STK32C: variants seen among roughly 807,000 people sequenced by gnomAD.
STK32C encodes the protein serine/threonine kinase 32C.
In STK32C, 31 loss-of-function variants were observed where a neutral mutation model predicts 56.5. The ratio of observed to expected loss-of-function variants is 0.55; its 90% CI spans 0.41 to 0.74. The LOEUF (loss-of-function observed/expected upper bound fraction) is 0.74, where lower values mean the gene tolerates loss of function less well. Among genes scored for constraint, STK32C ranks in the 30% least tolerant of loss-of-function variants. STK32C has a pLI of 0.00. For synonymous variants in STK32C, 309 were observed against 289.4 expected (o/e 1.07, Z -0.69); for missense variants, 544 against 676.9 (o/e 0.80, Z 2.18).
intron 1 of STK32C, among the ~76,000 whole-genome samples, chr10:132,281,721 C>T (rs1265562657): frequency 6.6e-6 from 1 of 152,220 alleles, no homozygotes; most frequent in Non-Finnish European, 1.5e-5. Context: ...GTGCAGGTCC[C>T]CGGGAGACGA....
intron 1 of STK32C, among the ~76,000 whole-genome samples, chr10:132,329,758 G>A (rs1398704212): frequency 6.6e-6 from 1 of 152,210 alleles, no homozygotes; most frequent in East Asian, 1.9e-4. Flanking sequence ...GGGTGCAGAG[G>A]TGCCACGGGA....
At chr10:132,218,433 G>A (rs2062535272) in intron 10 of STK32C, among the ~76,000 whole-genome samples, 1 of 152,174 alleles carries the variant, frequency 6.6e-6, no homozygotes, top group East Asian at 1.9e-4. Flanking sequence ...TAGACACAAT[G>A]CCTGATAAAA....
rs115107063 is a variant in STK32C at position 132,271,057 on chromosome 10, G to A, written c.263-25102C>T. On this transcript the variant is annotated intron_variant, in intron 1 of 11. Coordinates refer to ENST00000298630, the MANE Select transcript of STK32C (RefSeq NM_173575.4). ...TGAACCACAGTCAGATGGGGTGCAA[G>A]GAGGGTGGCACCCCCAAAGTGACTC... Among the ~76,000 whole-genome samples, 92 of 152,260 alleles carry A rather than the reference G, an allele frequency of 6.0e-4. 1 individual carries two copies. Among genetic ancestry groups the A allele is most frequent in the African/African-American group, 2.2e-3 (92 of 41,546 alleles).
chr10:132,293,854 C>A (rs549925378), intron 1 of STK32C, among the ~76,000 whole-genome samples: 5 of 152,292 alleles, frequency 3.3e-5, no homozygotes, highest in African/African-American at 1.2e-4. Context: ...GCAGAGCCTG[C>A]TCCGGGGACG....
At chr10:132,264,825 G>A (rs369262749) in intron 1 of STK32C, among the ~76,000 whole-genome samples, 4 of 152,248 alleles carry the variant, frequency 2.6e-5, no homozygotes, top group African/African-American at 4.8e-5. Flanking sequence ...AGTCGCTCAT[G>A]GCAGTTTTCC....
chr10:132,233,866 C>T (rs2063182292), intron 2 of STK32C, among the ~76,000 whole-genome samples: 1 of 152,234 alleles, frequency 6.6e-6, no homozygotes, highest in South Asian at 2.1e-4. Context: ...TGCAGGATGG[C>T]CCCTTCGGCA....
chr10:132,215,069 A>G (rs898533494), intron 10 of STK32C, among the ~76,000 whole-genome samples: 2 of 152,236 alleles, frequency 1.3e-5, no homozygotes, highest in African/African-American at 4.8e-5. Context: ...CCCAGACTGG[A>G]GTGCAGGGGC....
intron 1 of STK32C, among the ~76,000 whole-genome samples, chr10:132,273,447 G>A (rs2064893458): frequency 6.6e-6 from 1 of 152,230 alleles, no homozygotes; most frequent in African/African-American, 2.4e-5. Context: ...ATCAGTAGAT[G>A]AGTGAATGAA....
chr10:132,252,559 G>A (rs1238414831), intron 1 of STK32C, among the ~76,000 whole-genome samples: 1 of 152,218 alleles, frequency 6.6e-6, no homozygotes, highest in East Asian at 1.9e-4. Context: ...CCATCTCACA[G>A]CTAGGGGGCT....
chr10:132,247,316 T>A (rs113325311), intron 1 of STK32C, among the ~76,000 whole-genome samples: 9 of 152,260 alleles, frequency 5.9e-5, no homozygotes, highest in African/African-American at 2.2e-4. Flanking sequence ...AAATGCCCAC[T>A]CCCTTCCCAG....
At position 132,225,240 on chromosome 10, in the gene STK32C, C is replaced by T. The variant is rs778546262; in HGVS notation, c.869G>A (p.Arg290Gln). The T allele has an allele frequency of 4.4e-6, 7 of 1,608,972 alleles. No homozygotes were observed. Among genetic ancestry groups the T allele is most frequent in the Admixed American group, 1.7e-5 (1 of 59,770 alleles). ...GCTGCAGGGGGTCCATACCCATCCT[C>T]GCAGCAGCTCATAGGCCATCACCCC... ...SVGVMAYELL[R>Q]GWRPYDIHSS... Residue 290 changes from arginine to glutamine, a missense_variant, in exon 7 of 12, where the codon CGA becomes CAA. Physicochemically the swap from Arg to Gln is conservative, Grantham distance 43. Transcript: ENST00000298630.
intron 10 of STK32C, among the ~76,000 whole-genome samples, chr10:132,221,282 G>C (rs894897458): frequency 7.5e-5 from 11 of 145,846 alleles, no homozygotes; most frequent in African/African-American, 2.3e-4. Flanking sequence ...AACTGATGCT[G>C]ACGCACCTGG....
intron 1 of STK32C, chr10:132,331,390 T>C: frequency 6.4e-7 from 1 of 1,561,070 alleles, no homozygotes; most frequent in Non-Finnish European, 8.7e-7. Context: ...CCCGGTGTCA[T>C]TTCATCTTCT....
At chr10:132,295,611 C>G (rs56089104) in intron 1 of STK32C, among the ~76,000 whole-genome samples, 2 of 152,234 alleles carry the variant, frequency 1.3e-5, no homozygotes, top group East Asian at 3.8e-4. Flanking sequence ...CCAGGCCGGG[C>G]GCAGTGGCTC....
chr10:132,264,968 A>G (rs2138093950), intron 1 of STK32C, among the ~76,000 whole-genome samples: 2 of 152,328 alleles, frequency 1.3e-5, no homozygotes, highest in South Asian at 4.1e-4. Context: ...TTTTATTTAT[A>G]CTCCGCCTGA....
Position 132,301,522 on chromosome 10 carries a change from G to A in STK32C, c.262+6050C>T, listed in dbSNP as rs542170934. Reference sequence around the variant, plus strand: ...GGGTCCCCGGGGAAGACAAGGCCCCGCAGTGGGCTCGGGGACACAGGATGC... The same window carrying A: ...GGGTCCCCGGGGAAGACAAGGCCCCACAGTGGGCTCGGGGACACAGGATGC... On this transcript the variant is annotated intron_variant, in intron 1 of 11. Coordinates refer to ENST00000298630, the MANE Select transcript of STK32C (RefSeq NM_173575.4). 9.8e-5 allele frequency among the ~76,000 whole-genome samples: 15 copies of A among 152,324 alleles called. No individual in the cohort carries two copies. The East Asian group carries it at 2.5e-3, about 26-fold the overall frequency.
rs56672946 is a variant in STK32C, at chr10:132,268,539, T to TTGTGTG, written c.263-22590_263-22585dup. On this transcript the variant is annotated intron_variant, in intron 1 of 11. Coordinates refer to ENST00000298630, the MANE Select transcript of STK32C (RefSeq NM_173575.4). ...GCTGTGCCTGTGTGCATGCGTCACATTGTGTGTGTGTGTGTGTGTGTGCCT... is the reference window on the plus strand; with the variant it reads ...GCTGTGCCTGTGTGCATGCGTCACATTGTGTGTGTGTGTGTGTGTGTGTGTGTGCCT... Among the ~76,000 whole-genome samples the TTGTGTG allele has an allele frequency of 1.1e-3, 128 of 111,500 alleles. 1 individual carries two copies. The South Asian group carries it at 0.022, about 19-fold the overall frequency. The allele number at this position is 111,500 out of a possible 152,430, so 73.1% of individuals were successfully genotyped here.
At chr10:132,244,175 C>T (rs1305658953) in intron 2 of STK32C, among the ~76,000 whole-genome samples, 2 of 152,164 alleles carry the variant, frequency 1.3e-5, no homozygotes. Flanking sequence ...CATCAACAAG[C>T]GCCGCACAGA....
chr10:132,238,367 G>C (rs1298956334), intron 2 of STK32C, among the ~76,000 whole-genome samples: 1 of 152,230 alleles, frequency 6.6e-6, no homozygotes, highest in Admixed American at 6.5e-5. Flanking sequence ...TTACCAACAG[G>C]AGGAGGGGCA....
Sources: gnomAD v4.1 joint callset for allele counts (sites outside exome capture counted in the v4.1 genomes callset) on GRCh38, gnomAD v4.1.1 for gene constraint, MANE v1.5 for transcripts, NCBI Gene and HGNC (gene_info 2026-07-23, HGNC 2026-07-21) for gene names.